Variants in RAPGEF5 observed in about 807,000 individuals in gnomAD.
RAPGEF5 encodes M-Ras-regulated GEF.
Under a neutral mutation model 125.2 loss-of-function variants are expected in RAPGEF5, and 65 were observed. The ratio of observed to expected loss-of-function variants is 0.52; its 90% CI spans 0.43 to 0.64. The LOEUF (loss-of-function observed/expected upper bound fraction) is 0.64. Among genes scored for constraint, RAPGEF5 ranks in the 30% least tolerant of loss-of-function variants. The probability of loss-of-function intolerance (pLI) is 0.00; values close to 1 mark genes in which losing one functional copy is unlikely to be tolerated. For missense variants in RAPGEF5, 958 were observed against 1,048.1 expected (o/e 0.91, Z 1.19); for synonymous variants, 391 against 385.9 (o/e 1.01, Z -0.16).
At chr7:22,265,952 T>C (rs2686479) in intron 7 of RAPGEF5, among the ~76,000 whole-genome samples, 76,730 of 151,906 alleles carry the variant, frequency 0.51, 20,592 homozygotes, top group East Asian at 0.69. Context: ...GCATCCTCCT[T>C]CCCATCACCT....
intron 25 of RAPGEF5, among the ~76,000 whole-genome samples, chr7:22,124,379 G>A (rs537077640): frequency 8.8e-4 from 134 of 152,298 alleles, no homozygotes; most frequent in African/African-American, 3.0e-3. Context: ...ACTGCATTGC[G>A]CTTGTATGCT....
At chr7:22,166,093 AT>A (rs1207092312) in intron 12 of RAPGEF5, among the ~76,000 whole-genome samples, 2 of 146,690 alleles carry the variant, frequency 1.4e-5, no homozygotes, top group Admixed American at 1.4e-4. Flanking sequence ...ATATATATAT[AT>A]ATCATATATA....
chr7:22,230,201 A>G (rs968500296), intron 8 of RAPGEF5, among the ~76,000 whole-genome samples: 26 of 152,200 alleles, frequency 1.7e-4, no homozygotes, highest in African/African-American at 6.3e-4. Context: ...TTTTAATATG[A>G]ACTTGAGGAC....
chr7:22,231,019 TAG>T, intron 7 of RAPGEF5, 100 bp from the exon 8 acceptor site: 1 of 1,112,250 alleles, frequency 9.0e-7, no homozygotes, highest in South Asian at 1.4e-5. Flanking sequence ...AAATGTTAGA[TAG>T]ATTCACAAAA....
At chr7:22,319,420 C>T (rs1783668962) in intron 1 of RAPGEF5, among the ~76,000 whole-genome samples, 1 of 152,168 alleles carries the variant, frequency 6.6e-6, no homozygotes, top group African/African-American at 2.4e-5. Context: ...CACATTACTC[C>T]TAATTAAACT....
chr7:22,218,794 A>G lies in RAPGEF5; in HGVS notation c.996+1072T>C, dbSNP rs1016005320. 2.0e-5 allele frequency among the ~76,000 whole-genome samples: 3 copies of G among 152,198 alleles called. No homozygotes were observed. The East Asian group carries it at 5.8e-4, about 29-fold the overall frequency. ...TTGCCTGAGACCTACATCCACACTTAAAGTCAATAGTCGCCTCTGAAATAG... is the reference window on the plus strand; with the variant it reads ...TTGCCTGAGACCTACATCCACACTTGAAGTCAATAGTCGCCTCTGAAATAG... On this transcript the variant is annotated intron_variant, in intron 9 of 25. Coordinates refer to ENST00000665637, the MANE Select transcript of RAPGEF5 (RefSeq NM_012294.5).
intron 9 of RAPGEF5, among the ~76,000 whole-genome samples, chr7:22,209,233 C>T (rs1053474038): frequency 2.6e-5 from 4 of 152,190 alleles, no homozygotes; most frequent in African/African-American, 9.7e-5. Context: ...GAAAGACAAT[C>T]AGAATAAAAT....
At chr7:22,319,984 CT>C (rs1257185421) in intron 1 of RAPGEF5, among the ~76,000 whole-genome samples, 1 of 152,178 alleles carries the variant, frequency 6.6e-6, no homozygotes, top group East Asian at 1.9e-4. Context: ...TAACAGAAAC[CT>C]CCCCCATGGA....
At chr7:22,298,910 C>T (rs1446840518) in intron 5 of RAPGEF5, among the ~76,000 whole-genome samples, 1 of 152,018 alleles carries the variant, frequency 6.6e-6, no homozygotes, top group Non-Finnish European at 1.5e-5. Flanking sequence ...TCATAATATT[C>T]ATTTGTTAGC....
chr7:22,128,006 G>C (rs139842157), intron 24 of RAPGEF5, among the ~76,000 whole-genome samples: 131 of 152,268 alleles, frequency 8.6e-4, no homozygotes, highest in African/African-American at 3.1e-3. Context: ...TCCTTCCCCA[G>C]ATTTTACCAC....
At chr7:22,145,312 A>G (rs1783400384) in intron 19 of RAPGEF5, 90 bp from the exon 20 acceptor site, 1 of 1,222,864 alleles carries the variant, frequency 8.2e-7, no homozygotes, top group Admixed American at 2.6e-5. Context: ...TACTTCAGGT[A>G]GTTCCTCCCA....
At chr7:22,260,036 A>C (rs1408447399) in intron 7 of RAPGEF5, among the ~76,000 whole-genome samples, 1 of 151,994 alleles carries the variant, frequency 6.6e-6, no homozygotes, top group African/African-American at 2.4e-5. Context: ...GTGAGTGGAG[A>C]TCGTGCCACT....
intron 7 of RAPGEF5, among the ~76,000 whole-genome samples, chr7:22,244,548 C>A (rs1786427293): frequency 6.6e-6 from 1 of 152,000 alleles, no homozygotes; most frequent in South Asian, 2.1e-4. Flanking sequence ...TCTCCCATCA[C>A]CCCCAGATGG....
rs1396233087 is a variant in RAPGEF5 at position 22,308,517 on chromosome 7, A to G, written c.512-10T>C. On this transcript the variant is annotated splice_polypyrimidine_tract_variant and intron_variant, in intron 4 of 25. Coordinates refer to ENST00000665637, the MANE Select transcript of RAPGEF5 (RefSeq NM_012294.5). ...TATAGATGCTGGTCCACTGTTTGAA[A>G]CAAAAAATATATAGATCAATTTTTT... 2 of 1,501,512 alleles carry G rather than the reference A, an allele frequency of 1.3e-6. No individual in the cohort carries two copies. The highest frequency in any genetic ancestry group is 1.8e-6 in the Non-Finnish European group (2 of 1,117,718). 93.0% of individuals were successfully genotyped at this position (1,501,512 alleles called of 1,614,324 possible).
rs1317979998 is a variant in RAPGEF5 at position 22,167,542 on chromosome 7, C to A, written c.1205-394G>T. Reference sequence around the variant, plus strand: ...CAAGTCCTACGGGGAATAAAGCCTTCATGTGTTAATAAATTAAGGTTTTTT... The same window carrying A: ...CAAGTCCTACGGGGAATAAAGCCTTAATGTGTTAATAAATTAAGGTTTTTT... On this transcript the variant is annotated intron_variant, in intron 11 of 25. Coordinates refer to ENST00000665637, the MANE Select transcript of RAPGEF5 (RefSeq NM_012294.5). 2.0e-5 allele frequency among the ~76,000 whole-genome samples: 3 copies of A among 152,160 alleles called. No homozygotes were observed. The East Asian group carries it at 5.8e-4, about 29-fold the overall frequency.
At chr7:22,308,557 A>T in intron 4 of RAPGEF5, 50 bp from the exon 5 acceptor site, 3 of 1,314,230 alleles carry the variant, frequency 2.3e-6, no homozygotes, top group South Asian at 1.6e-5. Context: ...GATATTACTC[A>T]GAGAGTAATA....
intron 1 of RAPGEF5, among the ~76,000 whole-genome samples, chr7:22,349,073 A>G (rs1268446997): frequency 6.7e-6 from 1 of 149,606 alleles, no homozygotes; most frequent in Non-Finnish European, 1.5e-5. Context: ...TGGGTGAAAG[A>G]GCAAGACTCT....
chr7:22,228,875 G>C (rs755947093), intron 8 of RAPGEF5, among the ~76,000 whole-genome samples: 27 of 152,014 alleles, frequency 1.8e-4, no homozygotes, highest in Non-Finnish European at 3.1e-4. Flanking sequence ...CAGAGGCAGC[G>C]CCCCTAGTCT....
intron 1 of RAPGEF5, among the ~76,000 whole-genome samples, chr7:22,318,533 G>C (rs1476877565): frequency 1.3e-5 from 2 of 152,154 alleles, no homozygotes; most frequent in East Asian, 1.9e-4. Context: ...TTGCTTATCC[G>C]AGTTAATCCA....
Sources: gnomAD v4.1 joint callset for allele counts (sites outside exome capture counted in the v4.1 genomes callset) on GRCh38, gnomAD v4.1.1 for gene constraint, MANE v1.5 for transcripts, NCBI Gene and HGNC (gene_info 2026-07-23, HGNC 2026-07-21) for gene names.